Variants in NOP53 observed in about 807,000 individuals in gnomAD.
NOP53 encodes NOP53 ribosome biogenesis factor, also known as ribosome biogenesis protein NOP53.
In NOP53, 40 loss-of-function variants were observed where a neutral mutation model predicts 61.0. The ratio of observed to expected loss-of-function variants is 0.66; its 90% CI spans 0.51 to 0.85. The LOEUF is 0.85. Among genes scored for constraint, NOP53 ranks in the 40% least tolerant of loss-of-function variants. The probability of loss-of-function intolerance (pLI) is 0.00; values close to 1 mark genes in which losing one functional copy is unlikely to be tolerated. For synonymous variants in NOP53, 308 were observed against 289.5 expected, an observed-to-expected ratio of 1.06 and a Z score of -0.65; for missense variants, 689 against 652.9, an observed-to-expected ratio of 1.06 and a Z score of -0.60.
At chr19:47,756,925 G>T (rs544380419) in intron 12 of NOP53, 74 bp from the exon 13 acceptor site, 2 of 1,592,858 alleles carry the variant, frequency 1.3e-6, no homozygotes, top group East Asian at 4.5e-5. Flanking sequence ...AAACTGAAAG[G>T]CAGGGGGTGT....
rs988121746 is a variant in NOP53 at position 47,755,504 on chromosome 19, C to G, written c.1210C>G (p.Arg404Gly). The change falls in exon 9 of 13, where the codon CGA becomes GGA. Residue 404 changes from arginine (R) to glycine (G), a missense_variant. By Grantham distance (125) the Arg-to-Gly change is moderately radical (BLOSUM62 -2). Transcript: ENST00000246802. ...ARREAEADKPRRLGRLKYQAP... is the reference protein window; with the variant it reads ...ARREAEADKPGRLGRLKYQAP... ...GCGGGAGGCTGAGGCTGACAAGCCC[C>G]GAAGGCTGGGGCGGCTCAAGTGAGA... 11 of 1,476,700 alleles carry G rather than the reference C, an allele frequency of 7.4e-6. No individual in the cohort carries two copies. Among genetic ancestry groups the G allele is most frequent in the South Asian group, 1.4e-5 (1 of 71,158 alleles). The allele number at this position is 1,476,700 out of a possible 1,614,324, so 91.5% of individuals were successfully genotyped here. A position where few individuals can be genotyped will look rare whatever the true frequency, so the allele number is the denominator to read the frequency against.
chr19:47,751,897 T>A (rs1967128839), intron 5 of NOP53, among the ~76,000 whole-genome samples: 1 of 151,656 alleles, frequency 6.6e-6, no homozygotes, highest in African/African-American at 2.4e-5. Flanking sequence ...AGGTCGGGAG[T>A]TTGAGACCAG....
At chr19:47,755,214 C>T (rs1967175317) in intron 8 of NOP53, 134 bp from the exon 9 acceptor site, 1 of 593,042 alleles carries the variant, frequency 1.7e-6, no homozygotes, top group Non-Finnish European at 2.8e-6. Context: ...ACTGGAGGGG[C>T]CGCTGATGTG....
chr19:47,755,630 A>T, intron 9 of NOP53, 107 bp downstream of exon 9: 2 of 1,241,150 alleles, frequency 1.6e-6, no homozygotes, highest in Non-Finnish European at 2.2e-6. Flanking sequence ...CCCCATCGGG[A>T]GACCACCTCT....
chr19:47,756,011 A>G (rs1373575197), intron 10 of NOP53, 189 bp downstream of exon 10: 2 of 595,228 alleles, frequency 3.4e-6, no homozygotes, highest in Non-Finnish European at 6.0e-6. Flanking sequence ...CTAAGGTTTG[A>G]GTCCGGGACC....
chr19:47,746,438 A>G (rs982123774), intron 1 of NOP53: 1 of 152,118 alleles, frequency 6.6e-6, no homozygotes, highest in African/African-American at 2.4e-5. Flanking sequence ...ATCTCGGCTC[A>G]CTGCAACCTC....
intron 4 of NOP53, 189 bp from the exon 5 acceptor site, chr19:47,751,331 C>A: frequency 1.6e-6 from 1 of 642,588 alleles, no homozygotes; most frequent in Non-Finnish European, 2.7e-6. Flanking sequence ...GCTTTGGTCT[C>A]TTCCACTTTC....
chr19:47,746,725 A>G (rs1967069029), intron 1 of NOP53: 1 of 381,216 alleles, frequency 2.6e-6, no homozygotes, highest in African/African-American at 2.1e-5. Context: ...CTGCTCTTGA[A>G]CTCCTGACCT....
intron 1 of NOP53, chr19:47,746,096 A>T: frequency 2.4e-6 from 1 of 411,092 alleles, no homozygotes; most frequent in Admixed American, 4.2e-5. Flanking sequence ...TGTTTTCTAA[A>T]TATGTGTGTG....
chr19:47,745,925 G>A, intron 1 of NOP53, 142 bp downstream of exon 1: 1 of 609,184 alleles, frequency 1.6e-6, no homozygotes, highest in Non-Finnish European at 2.8e-6. Context: ...CCGAGGAAAT[G>A]GAGAGCATGG....
chr19:47,756,720 A>G lies in NOP53; in HGVS notation c.1406A>G (p.Glu469Gly), dbSNP rs1182012736. 1 of 1,613,660 alleles carries G rather than the reference A, an allele frequency of 6.2e-7. No homozygotes were observed. The highest frequency in any genetic ancestry group is 1.3e-5 in the African/African-American group (1 of 75,044). Residue 469 changes from glutamate (E) to glycine (G), a missense_variant, in exon 12 of 13, where the codon GAG becomes GGG. By Grantham distance (98) the Glu-to-Gly change is moderately conservative. Transcript: ENST00000246802. ...FKRKYKVKLV[E>G]KRAFREIQL ...CGCAAGTACAAGGTGAAGCTGGTGG[A>G]GAAGCGGGCGTTCCGTGAGATCCAG...
Position 47,746,007 on chromosome 19 carries a change from G to C in NOP53, c.224+224G>C, listed in dbSNP as rs147797572. On this transcript the variant is annotated intron_variant, in intron 1 of 12. Coordinates refer to ENST00000246802, the MANE Select transcript of NOP53 (RefSeq NM_015710.5). ...GATTTAGCAGATAAATATACAGGACGCTCAATTAAATTTGGATTTTAGGTA... is the reference window on the plus strand; with the variant it reads ...GATTTAGCAGATAAATATACAGGACCCTCAATTAAATTTGGATTTTAGGTA... 5 of 493,318 alleles carry C rather than the reference G, an allele frequency of 1.0e-5. No homozygotes were observed. The East Asian group carries it at 1.3e-4, about 13-fold the overall frequency. The allele number at this position is 493,318 out of a possible 1,614,324, so 30.6% of individuals were successfully genotyped here.
intron 2 of NOP53, among the ~76,000 whole-genome samples, chr19:47,748,569 G>GT (rs749584658): frequency 5.9e-5 from 9 of 151,984 alleles, no homozygotes; most frequent in Non-Finnish European, 1.0e-4. Flanking sequence ...CTGCCCTGAG[G>GT]TACAGGAGAC....
rs369310805 is a variant in NOP53 at position 47,756,618 on chromosome 19, G to A, written c.1373+14G>A. 26 of 1,613,412 alleles carry A rather than the reference G, an allele frequency of 1.6e-5. No homozygotes were observed. Among genetic ancestry groups the A allele is most frequent in the African/African-American group, 8.0e-5 (6 of 74,916 alleles). On this transcript the variant is annotated intron_variant, in intron 11 of 12. Coordinates refer to ENST00000246802, the MANE Select transcript of NOP53 (RefSeq NM_015710.5). ...AGAGAGAGCCAAGTAAGGGGCGGCCGGGGCTGCTGTGGGGCGAGGGCATCT... is the reference window on the plus strand; with the variant it reads ...AGAGAGAGCCAAGTAAGGGGCGGCCAGGGCTGCTGTGGGGCGAGGGCATCT...
intron 5 of NOP53, among the ~76,000 whole-genome samples, chr19:47,752,011 G>A (rs1967130409): frequency 6.6e-6 from 1 of 152,086 alleles, no homozygotes. Flanking sequence ...GGAGGCTGAG[G>A]CAGGAGAATC....
intron 10 of NOP53, 29 bp from the exon 11 acceptor site, chr19:47,756,499 C>T: frequency 1.3e-6 from 2 of 1,598,816 alleles, no homozygotes; most frequent in Non-Finnish European, 1.7e-6. Flanking sequence ...CTGCCAGGCC[C>T]TGCTGAGGCC....
intron 6 of NOP53, 39 bp downstream of exon 6, chr19:47,752,646 C>G: frequency 2.4e-6 from 3 of 1,256,258 alleles, no homozygotes; most frequent in Non-Finnish European, 3.5e-6. Flanking sequence ...TCAGTGGGCT[C>G]TGCCTCTTGG....
At position 47,745,711 on chromosome 19, in the gene NOP53, T is replaced by A. The variant is rs377340728; in HGVS notation, c.152T>A (p.Leu51His). ...PRNKKRGWRRLAQEPLGLEVD... is the reference protein window; with the variant it reads ...PRNKKRGWRRHAQEPLGLEVD... ...AATAAGAAGCGGGGCTGGCGGCGGC[T>A]TGCTCAGGAGCCGCTGGGGCTGGAG... is the stretch of plus-strand genomic sequence containing the variant. Residue 51 changes from leucine to histidine, a missense_variant, in exon 1 of 13, where the codon CTT becomes CAT. Transcript: ENST00000246802. 3 of 1,611,514 alleles carry A rather than the reference T, an allele frequency of 1.9e-6. No homozygotes were observed. Among genetic ancestry groups the A allele is most frequent in the Non-Finnish European group, 2.5e-6 (3 of 1,179,058 alleles).
rs867575407 is a variant in NOP53, at chr19:47,745,593, C to T, written c.34C>T (p.Arg12Cys). ...AGGAGGCAGTGGCGTTGGTGGGAAG[C>T]GCAGCTCGAAAAGCGATGCCGATTC... The part of the protein sequence containing the change: ...AAGGSGVGGK[R>C]SSKSDADSGF... Residue 12 changes from arginine (R) to cysteine (C), a missense_variant, in exon 1 of 13, where the codon CGC becomes TGC. Arg to Cys is a radical substitution (Grantham distance 180). Transcript: ENST00000246802. 1.2e-6 allele frequency: 2 copies of T among 1,613,976 alleles called. No individual in the cohort carries two copies. The highest frequency in any genetic ancestry group is 2.7e-5 in the African/African-American group (2 of 75,030).
Sources: allele counts gnomAD v4.1 joint callset (sites outside exome capture counted in the v4.1 genomes callset), GRCh38; gene constraint gnomAD v4.1.1; transcripts MANE v1.5; gene names NCBI Gene and HGNC (gene_info 2026-07-23, HGNC 2026-07-21).